SLC9A8: variants seen among roughly 807,000 people sequenced by gnomAD.
The protein encoded by SLC9A8 is solute carrier family 9 member A8, also known as sodium/hydrogen exchanger 8.
SLC9A8 carries 48 observed loss-of-function variants against 66.6 expected under a neutral mutation model. That is an observed-to-expected ratio of 0.72 (90% CI 0.57 to 0.92). The LOEUF (loss-of-function observed/expected upper bound fraction) is 0.92. Among genes scored for constraint, SLC9A8 ranks in the 40% least tolerant of loss-of-function variants. The pLI is 0.00. For synonymous variants in SLC9A8, 274 were observed against 282.6 expected, an observed-to-expected ratio of 0.97 and a Z score of 0.31; for missense variants, 599 against 747.3, an observed-to-expected ratio of 0.80 and a Z score of 2.31.
At chr20:49,823,935 A>G (rs768442998) in intron 3 of SLC9A8, among the ~76,000 whole-genome samples, 1 of 152,244 alleles carries the variant, frequency 6.6e-6, no homozygotes, top group Non-Finnish European at 1.5e-5. Flanking sequence ...TTTAGAAATT[A>G]ACTTTCATTG....
At chr20:49,831,425 C>G (rs1490575719) in intron 3 of SLC9A8, among the ~76,000 whole-genome samples, 1 of 151,772 alleles carries the variant, frequency 6.6e-6, no homozygotes, top group Admixed American at 6.6e-5. Context: ...CTCTCTCTCT[C>G]TCTCTCTGTC....
intron 12 of SLC9A8, among the ~76,000 whole-genome samples, chr20:49,880,700 G>A (rs193030161): frequency 3.2e-4 from 49 of 152,266 alleles, no homozygotes; most frequent in African/African-American, 1.1e-3. Flanking sequence ...GAAAGGTAAC[G>A]TACAAAGCTT....
chr20:49,873,771 CAAAAAA>C (rs35613935), intron 10 of SLC9A8, among the ~76,000 whole-genome samples: 1 of 60,228 alleles, frequency 1.7e-5, no homozygotes, highest in Non-Finnish European at 3.0e-5. Context: ...AACTCCGTCT[CAAAAAA>C]AAAAAAAAAA....
At chr20:49,817,994 A>G (rs1173052699) in intron 2 of SLC9A8, among the ~76,000 whole-genome samples, 1 of 152,136 alleles carries the variant, frequency 6.6e-6, no homozygotes. Flanking sequence ...ACTGCTGTCA[A>G]TTTGATATGT....
chr20:49,829,871 G>C, intron 3 of SLC9A8: 2 of 567,500 alleles, frequency 3.5e-6, no homozygotes, highest in Non-Finnish European at 7.1e-6. Context: ...AAAGAAGGGG[G>C]TGTCTTCGGG....
rs2089967806 is a variant in SLC9A8, at chr20:49,888,360, G to A, written c.*424G>A. ...GCCCCCGCCGGACTGGCAGAGCCAG[G>A]GGTCAGCCACCTGCCTTTGAGTCAT... On this transcript the variant is annotated 3_prime_UTR_variant, in exon 16 of 16. Transcript: ENST00000361573. 5.6e-6 allele frequency: 1 copy of A among 178,344 alleles called. No homozygotes were observed. Among genetic ancestry groups the A allele is most frequent in the African/African-American group, 2.4e-5 (1 of 41,638 alleles). 11.0% of individuals were successfully genotyped at this position (178,344 alleles called of 1,614,324 possible).
chr20:49,820,728 T>C (rs2086707077), intron 2 of SLC9A8, among the ~76,000 whole-genome samples: 1 of 151,846 alleles, frequency 6.6e-6, no homozygotes, highest in Admixed American at 6.6e-5. Flanking sequence ...GTATTTTTAG[T>C]AGAGACGGCG....
intron 2 of SLC9A8, among the ~76,000 whole-genome samples, chr20:49,816,706 G>A (rs6095674): frequency 0.086 from 13,005 of 151,976 alleles, 658 homozygotes; most frequent in Middle Eastern, 0.13. Context: ...GGAATAAATA[G>A]CTTTGAGTTT....
At chr20:49,813,005 C>G in intron 1 of SLC9A8, 57 bp downstream of exon 1, 1 of 1,345,484 alleles carries the variant, frequency 7.4e-7, no homozygotes, top group Non-Finnish European at 9.6e-7. Flanking sequence ...CGGCGGGTGA[C>G]AGCGAGCGCC....
chr20:49,855,730 C>T, intron 8 of SLC9A8, 149 bp downstream of exon 8: 2 of 787,030 alleles, frequency 2.5e-6, no homozygotes, highest in Non-Finnish European at 3.9e-6. Flanking sequence ...GTATTTCTGT[C>T]CTGACAAGCC....
intron 4 of SLC9A8, among the ~76,000 whole-genome samples, chr20:49,844,121 G>T (rs2087880280): frequency 6.6e-6 from 1 of 152,128 alleles, no homozygotes. Context: ...AAATTACCCA[G>T]CCTCAGGTAT....
rs1568776018 is a variant in SLC9A8, at chr20:49,812,957, GC to G, written c.26+10del. On this transcript the variant is annotated intron_variant, in intron 1 of 15. Transcript: ENST00000361573. ...AAGATGGCGGAAGAGGAGTGAGTGG[GC>G]TTTTTCCCGGGCGGCGGAGGCGGCG... The G allele has an allele frequency of 7.0e-7, 1 of 1,419,332 alleles. No homozygotes were observed. The highest frequency in any genetic ancestry group is 1.4e-5 in the South Asian group (1 of 70,762). The allele number at this position is 1,419,332 out of a possible 1,614,324, so 87.9% of individuals were successfully genotyped here. A position where few individuals can be genotyped will look rare whatever the true frequency, so the allele number is the denominator to read the frequency against.
At chr20:49,884,289 G>GACACACACACACGACAC (rs2089789859) in intron 14 of SLC9A8, 3 of 36,862 alleles carry the variant, frequency 8.1e-5, no homozygotes, top group Non-Finnish European at 1.7e-4. Flanking sequence ...ACACACACAC[G>GACACACACACACGACAC]ACACACACAC....
At chr20:49,814,917 C>T in intron 1 of SLC9A8, 91 bp from the exon 2 acceptor site, 1 of 1,085,952 alleles carries the variant, frequency 9.2e-7, no homozygotes, top group East Asian at 2.8e-5. Context: ...CCATAAAGTT[C>T]TTGGACAGCT....
rs2090055359 is a variant in SLC9A8, at chr20:49,892,018, G to GAGGCCCCTGTT, written c.*4094_*4104dup. On this transcript the variant is annotated 3_prime_UTR_variant, in exon 16 of 16. Transcript: ENST00000361573. ...TTTTTCTCCCCCAAGTGAGCTGCAA[G>GAGGCCCCTGTT]AGGCCCCTGTTAGGCCCCTGTTTCC... The GAGGCCCCTGTT allele has an allele frequency of 1.3e-5, 2 of 152,302 alleles. No individual in the cohort carries two copies. Among genetic ancestry groups the GAGGCCCCTGTT allele is most frequent in the Middle Eastern group, 3.4e-3 (1 of 296 alleles). The allele number at this position is 152,302 out of a possible 1,614,324, so 9.4% of individuals were successfully genotyped here.
chr20:49,817,978 A>C (rs923654742), intron 2 of SLC9A8, among the ~76,000 whole-genome samples: 1 of 152,102 alleles, frequency 6.6e-6, no homozygotes. Context: ...TTATTAATCT[A>C]TTTACACTGC....
At chr20:49,837,041 A>G (rs1175490352) in intron 3 of SLC9A8, among the ~76,000 whole-genome samples, 1 of 152,214 alleles carries the variant, frequency 6.6e-6, no homozygotes, top group African/African-American at 2.4e-5. Context: ...TTCCTTGTGG[A>G]CAAAGGACAG....
intron 3 of SLC9A8, among the ~76,000 whole-genome samples, chr20:49,834,320 ATATATATACTGTG>A (rs2087373018): frequency 9.6e-6 from 1 of 104,704 alleles, no homozygotes; most frequent in Non-Finnish European, 2.1e-5. Context: ...GTGTGTATAT[ATATATATACTGTG>A]TATATATATA....
In SLC9A8 at chr20:49,818,479, A is replaced by ATT. The variant is rs758928369; in HGVS notation, c.208+3312_208+3313dup. 2.9e-3 allele frequency among the ~76,000 whole-genome samples: 360 copies of ATT among 124,920 alleles called. 1 individual carries two copies. Among genetic ancestry groups the ATT allele is most frequent in the African/African-American group, 9.3e-3 (306 of 32,990 alleles). The allele number at this position is 124,920 out of a possible 152,430, so 82.0% of individuals were successfully genotyped here. A position where few individuals can be genotyped will look rare whatever the true frequency, so the allele number is the denominator to read the frequency against. Reference sequence around the variant, plus strand: ...TTCTGATTAGATATCCAAACATTGAATTTTTTTTTTTTTTTTTTTTTTTCC... The same window carrying ATT: ...TTCTGATTAGATATCCAAACATTGAATTTTTTTTTTTTTTTTTTTTTTTTTCC... On this transcript the variant is annotated intron_variant, in intron 2 of 15. Coordinates refer to ENST00000361573, the MANE Select transcript of SLC9A8 (RefSeq NM_015266.3).
Sources: allele counts gnomAD v4.1 joint callset (sites outside exome capture counted in the v4.1 genomes callset), GRCh38; gene constraint gnomAD v4.1.1; transcripts MANE v1.5; gene names NCBI Gene and HGNC (gene_info 2026-07-23, HGNC 2026-07-21).